CLSTN2: variants seen among roughly 807,000 people sequenced by gnomAD.
CLSTN2 encodes the protein calsyntenin-2.
In CLSTN2, 48 loss-of-function variants were observed where a neutral mutation model predicts 101.2. The observed-to-expected ratio is 0.47, with a 90% CI of 0.38 to 0.60. CLSTN2 has a LOEUF of 0.60. CLSTN2 is among the 20% of genes least tolerant of loss of function. The probability of loss-of-function intolerance (pLI) is 0.00; values close to 1 mark genes in which losing one functional copy is unlikely to be tolerated. For missense variants in CLSTN2, 1,160 were observed against 1,238.2 expected, an observed-to-expected ratio of 0.94 and a Z score of 0.95; for synonymous variants, 481 against 463.6, an observed-to-expected ratio of 1.04 and a Z score of -0.48.
chr3:140,328,933 CAAAAAT>C (rs59660605), intron 2 of CLSTN2, among the ~76,000 whole-genome samples: 2,560 of 152,178 alleles, frequency 0.017, 62 homozygotes, highest in African/African-American at 0.057. Context: ...ATGAGGTTGT[CAAAAAT>C]AAAAACAAAA....
intron 8 of CLSTN2, among the ~76,000 whole-genome samples, chr3:140,475,852 C>G (rs931399485): frequency 1.3e-5 from 2 of 151,958 alleles, no homozygotes; most frequent in African/African-American, 4.8e-5. Flanking sequence ...TTAAAATCAG[C>G]GTTAAAAAGA....
intron 2 of CLSTN2, among the ~76,000 whole-genome samples, chr3:140,216,222 C>T (rs932554871): frequency 5.3e-5 from 8 of 152,192 alleles, no homozygotes; most frequent in Non-Finnish European, 1.0e-4. Context: ...CCTCCCACCC[C>T]CATCCATGGA....
intron 1 of CLSTN2, among the ~76,000 whole-genome samples, chr3:139,939,860 GAA>G (rs1935095527): frequency 6.6e-6 from 1 of 152,194 alleles, no homozygotes; most frequent in Non-Finnish European, 1.5e-5. Context: ...CAATGCATCA[GAA>G]AGTGTACTCT....
At chr3:140,101,891 T>C (rs1477229897) in intron 1 of CLSTN2, among the ~76,000 whole-genome samples, 1 of 152,176 alleles carries the variant, frequency 6.6e-6, no homozygotes, top group African/African-American at 2.4e-5. Context: ...GAACTAGTCA[T>C]GTGACTGCAA....
At chr3:140,181,542 A>G (rs1349351463) in intron 2 of CLSTN2, among the ~76,000 whole-genome samples, 1 of 152,196 alleles carries the variant, frequency 6.6e-6, no homozygotes, top group African/African-American at 2.4e-5. Context: ...TGGGACAGTC[A>G]GTTAAATAAT....
intron 1 of CLSTN2, among the ~76,000 whole-genome samples, chr3:140,095,823 G>A (rs1576425180): frequency 6.6e-6 from 1 of 152,252 alleles, no homozygotes; most frequent in South Asian, 2.1e-4. Context: ...TTTCAAGGAC[G>A]GTGACAGCCA....
intron 2 of CLSTN2, among the ~76,000 whole-genome samples, chr3:140,385,431 C>A (rs111874742): frequency 7.3e-6 from 1 of 136,602 alleles, no homozygotes; most frequent in Non-Finnish European, 1.5e-5. Context: ...TGCAGTGGTG[C>A]GATCTCGACT....
At chr3:140,248,432 G>A (rs1275104131) in intron 2 of CLSTN2, among the ~76,000 whole-genome samples, 3 of 152,158 alleles carry the variant, frequency 2.0e-5, no homozygotes, top group Admixed American at 2.0e-4. Context: ...GGAGGCTAAG[G>A]CTTCTTCTCC....
At chr3:140,069,608 C>T (rs1023995570) in intron 1 of CLSTN2, among the ~76,000 whole-genome samples, 1 of 152,222 alleles carries the variant, frequency 6.6e-6, no homozygotes, top group Non-Finnish European at 1.5e-5. Flanking sequence ...TCCCTATAGC[C>T]ATGCTTGGGA....
At chr3:140,503,340 A>AT (rs1209827864) in intron 8 of CLSTN2, among the ~76,000 whole-genome samples, 1 of 152,166 alleles carries the variant, frequency 6.6e-6, no homozygotes, top group African/African-American at 2.4e-5. Flanking sequence ...ACCATTTTAC[A>AT]TTTTTTATAT....
At chr3:140,100,657 C>T (rs1429643776) in intron 1 of CLSTN2, among the ~76,000 whole-genome samples, 1 of 152,226 alleles carries the variant, frequency 6.6e-6, no homozygotes, top group African/African-American at 2.4e-5. Context: ...CACTGAGGAT[C>T]CAGGCTGTGT....
At chr3:140,457,597 A>C (rs993724919) in intron 6 of CLSTN2, among the ~76,000 whole-genome samples, 1 of 152,242 alleles carries the variant, frequency 6.6e-6, no homozygotes, top group Non-Finnish European at 1.5e-5. Flanking sequence ...TTAGTTTATC[A>C]CATAAGTAAC....
At chr3:140,298,470 A>G (rs547649674) in intron 2 of CLSTN2, among the ~76,000 whole-genome samples, 9 of 152,200 alleles carry the variant, frequency 5.9e-5, no homozygotes, top group Non-Finnish European at 1.3e-4. Flanking sequence ...CTAGAGAAAA[A>G]GATAAACACT....
intron 8 of CLSTN2, among the ~76,000 whole-genome samples, chr3:140,486,648 G>A (rs537133546): frequency 6.6e-6 from 1 of 152,280 alleles, no homozygotes; most frequent in African/African-American, 2.4e-5. Flanking sequence ...TAGGTTTCTT[G>A]AAATAGACAG....
intron 2 of CLSTN2, among the ~76,000 whole-genome samples, chr3:140,299,690 T>A (rs774076954): frequency 1.3e-5 from 2 of 152,228 alleles, no homozygotes. Flanking sequence ...AGGATGCTGC[T>A]TGTATAAGAT....
intron 1 of CLSTN2, among the ~76,000 whole-genome samples, chr3:140,114,966 A>G (rs2009216773): frequency 6.6e-6 from 1 of 152,004 alleles, no homozygotes; most frequent in Non-Finnish European, 1.5e-5. Flanking sequence ...GATGTGACTG[A>G]CACCTCGACT....
intron 1 of CLSTN2, among the ~76,000 whole-genome samples, chr3:140,116,424 A>AGGT (rs1200537203): frequency 6.6e-6 from 1 of 152,210 alleles, no homozygotes; most frequent in Non-Finnish European, 1.5e-5. Flanking sequence ...AAGTGCAGCC[A>AGGT]GGTTTAAAGA....
rs145048840 is a variant in CLSTN2, at chr3:140,093,056, C to T, written c.110-82895C>T. ...GAGGATGTAAGCCCTTTGTTATGCACGGTATTCAAATGGGAGCTACAGAGC... is the reference window on the plus strand; with the variant it reads ...GAGGATGTAAGCCCTTTGTTATGCATGGTATTCAAATGGGAGCTACAGAGC... On this transcript the variant is annotated intron_variant, in intron 1 of 16. Transcript: ENST00000458420. Among the ~76,000 whole-genome samples the T allele has an allele frequency of 8.4e-3, 1,272 of 152,096 alleles. 24 individuals are homozygous for T. The highest frequency in any genetic ancestry group is 0.028 in the African/African-American group (1,163 of 41,502).
intron 2 of CLSTN2, among the ~76,000 whole-genome samples, chr3:140,185,506 AC>A (rs1467972312): frequency 1.3e-5 from 2 of 152,126 alleles, no homozygotes; most frequent in Non-Finnish European, 2.9e-5. Context: ...CTGCTCACTG[AC>A]CCGGTGGTCA....
Sources: allele counts gnomAD v4.1 joint callset (sites outside exome capture counted in the v4.1 genomes callset), GRCh38; gene constraint gnomAD v4.1.1; transcripts MANE v1.5; gene names NCBI Gene and HGNC (gene_info 2026-07-23, HGNC 2026-07-21).